The following CSMD2 variants were observed in gnomAD, a reference collection of about 807,000 sequenced individuals.
The protein encoded by CSMD2 is CUB and Sushi multiple domains 2, also known as CUB and sushi domain-containing protein 2.
Under a neutral mutation model 398.5 loss-of-function variants are expected in CSMD2, and 130 were observed. That is an observed-to-expected ratio of 0.33 (90% CI 0.28 to 0.38). CSMD2 has a LOEUF of 0.38. Among genes scored for constraint, CSMD2 ranks in the 10% least tolerant of loss-of-function variants. The pLI, the probability that CSMD2 is intolerant of heterozygous loss-of-function variation, is 1.00. For synonymous variants in CSMD2, 1,828 were observed against 1,908.5 expected (o/e 0.96, Z 1.10); for missense variants, 3,829 against 4,764.9 (o/e 0.80, Z 5.78).
chr1:33,735,845 G>A (rs760338201), intron 15 of CSMD2, among the ~76,000 whole-genome samples: 15 of 152,142 alleles, frequency 9.9e-5, no homozygotes, highest in East Asian at 1.9e-4. Flanking sequence ...GAAAAAAAAC[G>A]GAAAAGACAA....
rs1165341230 is a variant in CSMD2 at position 34,164,034 on chromosome 1, T to G, written c.187+877A>C. Among the ~76,000 whole-genome samples the G allele has an allele frequency of 6.6e-6, 1 of 152,052 alleles. No individual in the cohort carries two copies. ...CCGCTAGATCTGCCCCTTCCCGGAC[T>G]CGGTCGTCGGGAGCTGGTCCCGCCG... On this transcript the variant is annotated intron_variant, in intron 1 of 70. Transcript: ENST00000373381. The surrounding 1 kb of genome is among the most constrained non-coding windows in gnomAD (Gnocchi z 6.2).
chr1:33,581,044 G>A (rs1638662656), intron 47 of CSMD2, 145 bp from the exon 48 acceptor site: 2 of 752,350 alleles, frequency 2.7e-6, no homozygotes, highest in Admixed American at 2.9e-5. Context: ...TGCATCCACA[G>A]GCATTGCTCA....
At chr1:33,562,208 C>A (rs750372928) in intron 53 of CSMD2, among the ~76,000 whole-genome samples, 8 of 121,838 alleles carry the variant, frequency 6.6e-5, no homozygotes, top group Non-Finnish European at 1.3e-4. Context: ...TGCAAGTGTC[C>A]CCTGCCTGGT....
At chr1:33,939,977 A>G (rs1644612074) in intron 3 of CSMD2, among the ~76,000 whole-genome samples, 1 of 152,178 alleles carries the variant, frequency 6.6e-6, no homozygotes, top group Admixed American at 6.6e-5. Context: ...GGACTCCTGT[A>G]ACAGCACCAC....
At chr1:33,632,401 A>G (rs965595829) in intron 32 of CSMD2, among the ~76,000 whole-genome samples, 1 of 152,144 alleles carries the variant, frequency 6.6e-6, no homozygotes, top group Admixed American at 6.5e-5. Flanking sequence ...CTTATAAAAT[A>G]TGGAGCTCTA....
chr1:33,864,702 C>A, intron 5 of CSMD2: 2 of 1,613,146 alleles, frequency 1.2e-6, no homozygotes, highest in Non-Finnish European at 1.7e-6. Context: ...GAAGAAGTAC[C>A]GAATGTCAGC....
In CSMD2 at chr1:33,526,108, T is replaced by C. The variant is rs547399906; in HGVS notation, c.10235-1065A>G. On this transcript the variant is annotated intron_variant, in intron 65 of 70. Transcript: ENST00000373381. ...CATATAGAATAACATCACATTGTAC[T>C]CTATAAATATGTTTATTATTTGTCA... Among the ~76,000 whole-genome samples, 246 of 152,334 alleles carry C rather than the reference T, an allele frequency of 1.6e-3. 1 individual carries two copies. Among genetic ancestry groups the C allele is most frequent in the African/African-American group, 5.5e-3 (227 of 41,572 alleles).
At chr1:34,017,713 C>A (rs1365910671) in intron 3 of CSMD2, among the ~76,000 whole-genome samples, 1 of 152,220 alleles carries the variant, frequency 6.6e-6, no homozygotes, top group Non-Finnish European at 1.5e-5. Flanking sequence ...CACACTATAG[C>A]ACTCCAGCCT....
At chr1:34,023,840 T>C (rs1237542249) in intron 3 of CSMD2, among the ~76,000 whole-genome samples, 1 of 152,150 alleles carries the variant, frequency 6.6e-6, no homozygotes, top group Non-Finnish European at 1.5e-5. Context: ...ACACTGGGGA[T>C]ATGGCAGAGC....
chr1:33,994,802 A>G (rs1646673948), intron 3 of CSMD2, among the ~76,000 whole-genome samples: 1 of 152,122 alleles, frequency 6.6e-6, no homozygotes, highest in Non-Finnish European at 1.5e-5. Flanking sequence ...ACGGTGGCTC[A>G]TGTCTGTAAT....
chr1:33,635,062 A>C lies in CSMD2; in HGVS notation c.5086+152T>G. On this transcript the variant is annotated intron_variant, in intron 31 of 70. Coordinates refer to ENST00000373381, the MANE Select transcript of CSMD2 (RefSeq NM_001281956.2). The surrounding 1 kb of genome is among the most constrained non-coding windows in gnomAD (Gnocchi z 5.0). ...AATGTATTCTGCAGCCCGTTTGAGAAACGTCAGCACTCGGCCGTCCTTTTG... is the reference window on the plus strand; with the variant it reads ...AATGTATTCTGCAGCCCGTTTGAGACACGTCAGCACTCGGCCGTCCTTTTG... 1.7e-6 allele frequency: 1 copy of C among 574,738 alleles called. No homozygotes were observed. Among genetic ancestry groups the C allele is most frequent in the Non-Finnish European group, 3.2e-6 (1 of 309,622 alleles). The allele number at this position is 574,738 out of a possible 1,614,324, so 35.6% of individuals were successfully genotyped here.
chr1:33,888,977 A>G (rs113852342), intron 5 of CSMD2, among the ~76,000 whole-genome samples: 6,151 of 152,118 alleles, frequency 0.04, 161 homozygotes, highest in Middle Eastern at 0.075. Flanking sequence ...TCACCATGTT[A>G]GCCAGGACAG....
rs1654085021 is a variant in CSMD2 at position 33,519,734 on chromosome 1, G to A, written c.10737-57C>T. On this transcript the variant is annotated intron_variant, in intron 69 of 70. Transcript: ENST00000373381. This position sits in a 1 kb window ranked among gnomAD's most constrained non-coding sequence, Gnocchi z 5.6. ...GAAAAGAGCGACACAGAGAGGCTTA[G>A]GGGTCTGGTGCGGGGGGCCCTGGAG... 1 of 1,613,348 alleles carries A rather than the reference G, an allele frequency of 6.2e-7. No individual in the cohort carries two copies. Among genetic ancestry groups the A allele is most frequent in the South Asian group, 1.1e-5 (1 of 91,036 alleles).
chr1:33,741,613 T>C (rs537883315), intron 14 of CSMD2, among the ~76,000 whole-genome samples: 1 of 152,342 alleles, frequency 6.6e-6, no homozygotes, highest in African/African-American at 2.4e-5. Context: ...CTGGGGGATT[T>C]TGGGTAGTGG....
intron 25 of CSMD2, among the ~76,000 whole-genome samples, chr1:33,681,853 G>T (rs1223848831): frequency 6.6e-6 from 1 of 152,026 alleles, no homozygotes; most frequent in Non-Finnish European, 1.5e-5. Flanking sequence ...TTAACCCCAG[G>T]TACTTGGGAG....
intron 12 of CSMD2, among the ~76,000 whole-genome samples, chr1:33,777,570 T>C (rs1300201542): frequency 1.3e-5 from 2 of 152,222 alleles, no homozygotes; most frequent in Admixed American, 6.5e-5. Context: ...GGACCCAGAA[T>C]TGCAAATAGA....
intron 6 of CSMD2, among the ~76,000 whole-genome samples, chr1:33,842,753 T>C (rs977656501): frequency 6.6e-6 from 1 of 152,220 alleles, no homozygotes. Context: ...TCACGAAATA[T>C]TATTTTTTTC....
intron 4 of CSMD2, among the ~76,000 whole-genome samples, chr1:33,927,366 C>A (rs1317285965): frequency 1.3e-5 from 2 of 152,148 alleles, no homozygotes; most frequent in East Asian, 3.8e-4. Context: ...CTAAGGTATC[C>A]TTCTGAGGGG....
At chr1:33,699,190 C>A (rs1168754516) in intron 23 of CSMD2, among the ~76,000 whole-genome samples, 2 of 152,190 alleles carry the variant, frequency 1.3e-5, no homozygotes, top group Non-Finnish European at 2.9e-5. Flanking sequence ...CTAAGGTCTG[C>A]ATTTTCTATT....
Sources: gnomAD v4.1 joint callset for allele counts (sites outside exome capture counted in the v4.1 genomes callset) on GRCh38, gnomAD v4.1.1 for gene constraint, Gnocchi (gnomAD v3.1) non-coding constraint, MANE v1.5 for transcripts, NCBI Gene and HGNC (gene_info 2026-07-23, HGNC 2026-07-21) for gene names.